Variants in ACVR1 observed in about 807,000 individuals in gnomAD.
ACVR1 encodes activin receptor type-1.
Under a neutral mutation model 57.1 loss-of-function variants are expected in ACVR1, and 38 were observed. The ratio of observed to expected loss-of-function variants is 0.67; its 90% CI spans 0.51 to 0.87. The LOEUF (loss-of-function observed/expected upper bound fraction) is 0.87, where lower values mean the gene tolerates loss of function less well. ACVR1 is among the 40% of genes least tolerant of loss of function. ACVR1 has a pLI of 0.00. For synonymous variants in ACVR1, 212 were observed against 228.1 expected, an observed-to-expected ratio of 0.93 and a Z score of 0.63; for missense variants, 463 against 638.2, an observed-to-expected ratio of 0.73 and a Z score of 2.96.
At chr2:157,822,083 C>G (rs1316226414) in intron 1 of ACVR1, among the ~76,000 whole-genome samples, 1 of 152,172 alleles carries the variant, frequency 6.6e-6, no homozygotes, top group East Asian at 1.9e-4. Context: ...TTTCAAGAAC[C>G]ATTCCATACT....
intron 9 of ACVR1, among the ~76,000 whole-genome samples, chr2:157,753,594 A>T (rs957455302): frequency 6.6e-6 from 1 of 152,204 alleles, no homozygotes; most frequent in African/African-American, 2.4e-5. Flanking sequence ...CTAACACTGG[A>T]GCTAGTAAAT....
Position 157,765,973 on chromosome 2 carries a change from C to T in ACVR1, c.1014G>A (p.Lys338=). Residue 338 remains lysine, a synonymous_variant, in exon 8 of 11, where the codon AAG becomes AAA. Transcript: ENST00000434821. ...GKPAIAHRDL[K]SKNILVKKNG... is the part of the protein sequence containing the mutation. ...TCTTCTTAACCAGAATATTTTTGCT[C>T]TTTAAATCTCGATGGGCAATGGCTG... 6.2e-7 allele frequency: 1 copy of T among 1,614,138 alleles called. No individual in the cohort carries two copies.
At chr2:157,830,046 C>T (rs953332408) in intron 1 of ACVR1, among the ~76,000 whole-genome samples, 7 of 152,058 alleles carry the variant, frequency 4.6e-5, no homozygotes, top group Non-Finnish European at 7.4e-5. Flanking sequence ...TGGTGAAATG[C>T]CATCTGTACT....
intron 10 of ACVR1, 131 bp from the exon 11 acceptor site, chr2:157,737,796 T>A (rs1049312472): frequency 3.2e-5 from 39 of 1,225,398 alleles, no homozygotes; most frequent in Non-Finnish European, 4.4e-5. Flanking sequence ...GTTACTGTCA[T>A]CTTCTTCAAG....
intron 3 of ACVR1, among the ~76,000 whole-genome samples, chr2:157,789,708 T>C (rs1437801018): frequency 6.6e-6 from 1 of 152,232 alleles, no homozygotes; most frequent in Non-Finnish European, 1.5e-5. Context: ...TTCTATTCTG[T>C]GATTGTACTT....
chr2:157,819,077 CAAAAAAAAAA>C (rs386391595), intron 1 of ACVR1, among the ~76,000 whole-genome samples: 1 of 59,178 alleles, frequency 1.7e-5, no homozygotes, highest in African/African-American at 7.9e-5. Flanking sequence ...GACTCCGTCT[CAAAAAAAAAA>C]AAAAAAAAAA....
In ACVR1 at chr2:157,873,278, G is replaced by A. The variant is rs73966141; in HGVS notation, c.-183+2518C>T. Among the ~76,000 whole-genome samples the A allele has an allele frequency of 3.2e-3, 490 of 152,248 alleles. 2 individuals carry two copies. The highest frequency in any genetic ancestry group is 0.011 in the African/African-American group (456 of 41,540). ...CCATTCTACCACTGAAATTTGCCAA[G>A]CCTCAATTTCTTATTGTAGGACGGT... On this transcript the variant is annotated intron_variant, in intron 1 of 10. Transcript: ENST00000434821.
intron 9 of ACVR1, among the ~76,000 whole-genome samples, chr2:157,740,130 A>G (rs1684695637): frequency 6.6e-6 from 1 of 151,934 alleles, no homozygotes; most frequent in Non-Finnish European, 1.5e-5. Context: ...TGTTGCAATG[A>G]GCCAAGATCA....
chr2:157,867,135 C>G (rs1382875941), intron 1 of ACVR1, among the ~76,000 whole-genome samples: 1 of 152,186 alleles, frequency 6.6e-6, no homozygotes, highest in Non-Finnish European at 1.5e-5. Flanking sequence ...CTTCCATTTT[C>G]TTTTAAGAGC....
At chr2:157,791,723 G>T (rs572719162) in intron 3 of ACVR1, among the ~76,000 whole-genome samples, 1 of 152,308 alleles carries the variant, frequency 6.6e-6, no homozygotes, top group South Asian at 2.1e-4. Flanking sequence ...CCTGAGAAAG[G>T]CTTGATTCCT....
intron 1 of ACVR1, among the ~76,000 whole-genome samples, chr2:157,865,911 C>A (rs764030740): frequency 5.9e-5 from 9 of 151,918 alleles, no homozygotes; most frequent in Non-Finnish European, 1.3e-4. Context: ...TCAAGACCCC[C>A]AGTGAATGCC....
At chr2:157,829,854 G>T (rs931664302) in intron 1 of ACVR1, among the ~76,000 whole-genome samples, 2 of 151,984 alleles carry the variant, frequency 1.3e-5, no homozygotes, top group African/African-American at 4.8e-5. Flanking sequence ...TATTTCCCTG[G>T]TGAGTCTGTG....
chr2:157,766,131 G>T lies in ACVR1; in HGVS notation c.856C>A (p.His286Asn), dbSNP rs766136409. The change falls in exon 8 of 11, where the codon CAT (histidine) becomes AAT (asparagine). Residue 286 changes from histidine (H) to asparagine (N), a missense_variant. By Grantham distance (68) the His-to-Asn change is moderately conservative. This residue lies in a region of ACVR1 where 114 missense variants were observed against 216.2 expected (regional missense o/e 0.53). Coordinates refer to ENST00000434821, the MANE Select transcript of ACVR1 (RefSeq NM_001111067.4). ...STQLWLITHY[H>N]EMGSLYDYLQ... Reference sequence around the variant, plus strand: ...TAGTCGTACAACGATCCCATTTCATGATAATGTGTAATTAACCACAGCTGG... The same window carrying T: ...TAGTCGTACAACGATCCCATTTCATTATAATGTGTAATTAACCACAGCTGG... 2 of 1,613,982 alleles carry T rather than the reference G, an allele frequency of 1.2e-6. No homozygotes were observed. The highest frequency in any genetic ancestry group is 1.7e-6 in the Non-Finnish European group (2 of 1,179,984).
intron 1 of ACVR1, among the ~76,000 whole-genome samples, chr2:157,872,531 T>C (rs931871126): frequency 6.6e-6 from 1 of 152,110 alleles, no homozygotes; most frequent in African/African-American, 2.4e-5. Flanking sequence ...TTAGTTGCAA[T>C]ATTGGAAAGG....
chr2:157,874,525 G>A (rs1690215900), intron 1 of ACVR1, among the ~76,000 whole-genome samples: 1 of 152,200 alleles, frequency 6.6e-6, no homozygotes, highest in Non-Finnish European at 1.5e-5. Flanking sequence ...AGAGACAAGT[G>A]CCAGGACATA....
At chr2:157,771,380 C>T (rs1180665393) in intron 6 of ACVR1, among the ~76,000 whole-genome samples, 1 of 152,194 alleles carries the variant, frequency 6.6e-6, no homozygotes, top group Non-Finnish European at 1.5e-5. Context: ...CACTTGTCAG[C>T]TTGTCAACTA....
chr2:157,791,616 C>G (rs1686915375), intron 3 of ACVR1, among the ~76,000 whole-genome samples: 1 of 152,152 alleles, frequency 6.6e-6, no homozygotes, highest in African/African-American at 2.4e-5. Flanking sequence ...TTCCATCGTA[C>G]CAGGTGGCAA....
In ACVR1 at chr2:157,800,249, T is replaced by C. The variant is rs1229019325; in HGVS notation, c.-7-749A>G. Among the ~76,000 whole-genome samples the C allele has an allele frequency of 7.2e-5, 11 of 152,332 alleles. No homozygotes were observed. The South Asian group carries it at 2.3e-3, about 32-fold the overall frequency. On this transcript the variant is annotated intron_variant, in intron 2 of 10. Transcript: ENST00000434821. ...GCTGGTAAAGTTCTTTAATGATAGGTTAGTGTGCTTGTACTCTTTCAGCTT... is the reference window on the plus strand; with the variant it reads ...GCTGGTAAAGTTCTTTAATGATAGGCTAGTGTGCTTGTACTCTTTCAGCTT...
rs932180951 is a variant in ACVR1, at chr2:157,761,093, T to A, written c.1067-16A>T. 14 of 1,612,622 alleles carry A rather than the reference T, an allele frequency of 8.7e-6. No homozygotes were observed. In the African/African-American group the frequency reaches 1.6e-4, roughly 18 times the overall value. On this transcript the variant is annotated splice_polypyrimidine_tract_variant and intron_variant, in intron 8 of 10. Coordinates refer to ENST00000434821, the MANE Select transcript of ACVR1 (RefSeq NM_001111067.4). ...ACTGCCAGGCCTGAAAGGAAGAAGA[T>A]AACAATGTAATCAACCCACTTCCTT...
Sources: allele counts gnomAD v4.1 joint callset (sites outside exome capture counted in the v4.1 genomes callset), GRCh38; gene constraint gnomAD v4.1.1; regional missense constraint gnomAD v4.1.1; transcripts MANE v1.5; gene names NCBI Gene and HGNC (gene_info 2026-07-23, HGNC 2026-07-21).